The following CLSTN1 variants were observed in gnomAD, a reference collection of about 807,000 sequenced individuals.
CLSTN1 encodes calsyntenin 1.
In CLSTN1, 28 loss-of-function variants were observed where a neutral mutation model predicts 108.3. That is an observed-to-expected ratio of 0.26 (90% CI 0.19 to 0.35). CLSTN1 has a LOEUF of 0.35. Among genes scored for constraint, CLSTN1 ranks in the 10% least tolerant of loss-of-function variants. The probability of loss-of-function intolerance (pLI) is 1.00; values close to 1 mark genes in which losing one functional copy is unlikely to be tolerated. For synonymous variants in CLSTN1, 524 were observed against 534.9 expected, an observed-to-expected ratio of 0.98 and a Z score of 0.28; for missense variants, 1,157 against 1,302.6, an observed-to-expected ratio of 0.89 and a Z score of 1.72.
At chr1:9,798,124 G>C (rs921529531) in intron 1 of CLSTN1, among the ~76,000 whole-genome samples, 1 of 131,996 alleles carries the variant, frequency 7.6e-6, no homozygotes, top group Admixed American at 7.9e-5. Context: ...GAGAGAGGGA[G>C]AGAGGGGAAG....
chr1:9,822,513 T>A (rs1351749066), intron 1 of CLSTN1, among the ~76,000 whole-genome samples: 1 of 152,102 alleles, frequency 6.6e-6, no homozygotes, highest in Admixed American at 6.6e-5. Flanking sequence ...TAGATTTCTA[T>A]CAATCCTCCT....
chr1:9,793,015 CT>C (rs765428905), intron 1 of CLSTN1, among the ~76,000 whole-genome samples: 3 of 150,206 alleles, frequency 2.0e-5, no homozygotes, highest in South Asian at 2.2e-4. Context: ...ACGCAGATCC[CT>C]TTTTTTTTCT....
chr1:9,796,683 C>CA (rs989791576), intron 1 of CLSTN1, among the ~76,000 whole-genome samples: 3 of 151,002 alleles, frequency 2.0e-5, no homozygotes, highest in South Asian at 4.2e-4. Context: ...GACTCCGCCT[C>CA]AAAAAAAAGA....
chr1:9,744,423 C>G lies in CLSTN1; in HGVS notation c.1206G>C (p.Glu402Asp). The G allele has an allele frequency of 6.2e-7, 1 of 1,610,380 alleles. No homozygotes were observed. Among genetic ancestry groups the G allele is most frequent in the South Asian group, 1.1e-5 (1 of 91,064 alleles). Residue 402 changes from glutamate to aspartate, a missense_variant, in exon 8 of 19, where the codon GAG becomes GAC. By Grantham distance (45) the Glu-to-Asp change is conservative. Coordinates refer to ENST00000377298, the MANE Select transcript of CLSTN1 (RefSeq NM_001009566.3). ...TTTTATCAGAACTGCAAAGAATTGTCTCCTTCTTCCTGCCGAATGGCCCAT... is the reference window on the plus strand; with the variant it reads ...TTTTATCAGAACTGCAAAGAATTGTGTCCTTCTTCCTGCCGAATGGCCCAT... ...MRHGPFGRKK[E>D]TILCSSDKTD...
intron 2 of CLSTN1, among the ~76,000 whole-genome samples, chr1:9,761,847 T>C (rs1390456220): frequency 6.6e-6 from 1 of 152,194 alleles, no homozygotes; most frequent in South Asian, 2.1e-4. Flanking sequence ...ACAGAAATCC[T>C]TTCTAGGTAA....
chr1:9,793,320 C>T (rs992949581), intron 1 of CLSTN1, among the ~76,000 whole-genome samples: 4 of 151,376 alleles, frequency 2.6e-5, no homozygotes, highest in African/African-American at 7.2e-5. Context: ...GCCTAAAATA[C>T]GGATCCTAAC....
Position 9,731,294 on chromosome 1 carries a change from C to T in CLSTN1, c.2660G>A (p.Arg887Gln), listed in dbSNP as rs372839499. 18 of 1,614,122 alleles carry T rather than the reference C, an allele frequency of 1.1e-5. No homozygotes were observed. Among genetic ancestry groups the T allele is most frequent in the Non-Finnish European group, 1.3e-5 (15 of 1,180,052 alleles). ...LGVFRIRAAH[R>Q]RTMRDQDTGK... ...GGTGTCCTGATCCCGCATGGTCCGC[C>T]GATGTGCGGCCCGGATCCGAAATAC... The change falls in exon 18 of 19, where the codon CGG becomes CAG. Residue 887 changes from arginine (R) to glutamine (Q), a missense_variant. By Grantham distance (43) the Arg-to-Gln change is conservative (BLOSUM62 1). Transcript: ENST00000377298.
chr1:9,760,820 C>A (rs1016802119), intron 2 of CLSTN1, among the ~76,000 whole-genome samples: 2 of 151,484 alleles, frequency 1.3e-5, no homozygotes, highest in African/African-American at 4.9e-5. Flanking sequence ...TGAGCCACCA[C>A]GCCCGCCCCA....
Position 9,730,829 on chromosome 1 carries a change from G to T in CLSTN1, c.2749-124C>A. On this transcript the variant is annotated intron_variant, in intron 18 of 18. Coordinates refer to ENST00000377298, the MANE Select transcript of CLSTN1 (RefSeq NM_001009566.3). The surrounding 1 kb of genome is among the most constrained non-coding windows in gnomAD (Gnocchi z 5.6). ...CCCAGCGTCTCCCTCCCCAGCGACAGAGCAGCCAGGACGGCACCGGAAGTT... is the reference window on the plus strand; with the variant it reads ...CCCAGCGTCTCCCTCCCCAGCGACATAGCAGCCAGGACGGCACCGGAAGTT... 1 of 914,446 alleles carries T rather than the reference G, an allele frequency of 1.1e-6. No individual in the cohort carries two copies. Among genetic ancestry groups the T allele is most frequent in the Non-Finnish European group, 1.7e-6 (1 of 596,084 alleles). The allele number at this position is 914,446 out of a possible 1,614,324, so 56.6% of individuals were successfully genotyped here.
Position 9,756,485 on chromosome 1 carries a change from T to C in CLSTN1, c.240A>G (p.Lys80=). 1 of 1,612,568 alleles carries C rather than the reference T, an allele frequency of 6.2e-7. No homozygotes were observed. The highest frequency in any genetic ancestry group is 2.2e-5 in the East Asian group (1 of 44,866). Residue 80 remains lysine, a synonymous_variant, in exon 3 of 19, where the codon AAA becomes AAG. Coordinates refer to ENST00000377298, the MANE Select transcript of CLSTN1 (RefSeq NM_001009566.3). ...FAESFEVTVT[K]EGEICGFKIH... ...GAAGAAAGAACCCTTTATCACCTTCTTTGGTGACTGTCACCTCAAAACTCT... is the reference window on the plus strand; with the variant it reads ...GAAGAAAGAACCCTTTATCACCTTCCTTGGTGACTGTCACCTCAAAACTCT...
At chr1:9,766,403 A>G (rs898396673) in intron 2 of CLSTN1, among the ~76,000 whole-genome samples, 5 of 152,224 alleles carry the variant, frequency 3.3e-5, no homozygotes, top group Admixed American at 1.3e-4. Flanking sequence ...TCACGCCTGT[A>G]ATCCCAGCAC....
chr1:9,733,848 C>T (rs775246901), intron 15 of CLSTN1, 124 bp downstream of exon 15: 313 of 1,044,558 alleles, frequency 3.0e-4, no homozygotes, highest in Non-Finnish European at 4.0e-4. Context: ...AGCGAACGTG[C>T]TCCTTCCCCA....
intron 1 of CLSTN1, among the ~76,000 whole-genome samples, chr1:9,811,256 T>C (rs1194725807): frequency 6.6e-6 from 1 of 152,192 alleles, no homozygotes; most frequent in Non-Finnish European, 1.5e-5. Flanking sequence ...TTAGAAGAAG[T>C]TTTAACATGT....
intron 1 of CLSTN1, among the ~76,000 whole-genome samples, chr1:9,798,807 G>A (rs1358669759): frequency 6.6e-6 from 1 of 152,122 alleles, no homozygotes; most frequent in Non-Finnish European, 1.5e-5. Flanking sequence ...AAGTAAAAAA[G>A]CCAAAGAAAC....
chr1:9,822,662 T>TA (rs1381648261), intron 1 of CLSTN1, among the ~76,000 whole-genome samples: 1 of 152,094 alleles, frequency 6.6e-6, no homozygotes, highest in East Asian at 1.9e-4. Flanking sequence ...CAGAAGCAAA[T>TA]ACTGTATCTG....
chr1:9,733,107 A>C (rs1219620826), intron 16 of CLSTN1, among the ~76,000 whole-genome samples: 1 of 152,196 alleles, frequency 6.6e-6, no homozygotes, highest in East Asian at 1.9e-4. Flanking sequence ...ATTAACTGCC[A>C]CTTGCTCTTT....
At chr1:9,776,697 C>G (rs1219068606) in intron 1 of CLSTN1, among the ~76,000 whole-genome samples, 1 of 152,082 alleles carries the variant, frequency 6.6e-6, no homozygotes, top group Non-Finnish European at 1.5e-5. Flanking sequence ...CTCAGAACCC[C>G]TGTACACCAA....
chr1:9,745,286 T>C (rs1414275947), intron 7 of CLSTN1, among the ~76,000 whole-genome samples: 1 of 151,198 alleles, frequency 6.6e-6, no homozygotes, highest in African/African-American at 2.4e-5. Flanking sequence ...GTAATCTGAT[T>C]CAAATTATAC....
At chr1:9,785,331 C>T (rs1653436498) in intron 1 of CLSTN1, among the ~76,000 whole-genome samples, 1 of 151,902 alleles carries the variant, frequency 6.6e-6, no homozygotes, top group Non-Finnish European at 1.5e-5. Context: ...TTTAATTACT[C>T]TTATTTTTTT....
Sources: allele counts gnomAD v4.1 joint callset (sites outside exome capture counted in the v4.1 genomes callset), GRCh38; gene constraint gnomAD v4.1.1; non-coding constraint Gnocchi (gnomAD v3.1); transcripts MANE v1.5; gene names NCBI Gene and HGNC (gene_info 2026-07-23, HGNC 2026-07-21).